SZT2: variants seen among roughly 807,000 people sequenced by gnomAD.
SZT2 encodes KICSTOR complex protein SZT2.
A neutral mutation model predicts 404.2 loss-of-function variants in SZT2; 216 were observed. The ratio of observed to expected loss-of-function variants is 0.53; its 90% CI spans 0.48 to 0.60. The LOEUF is 0.60. SZT2 is among the 20% of genes least tolerant of loss of function. SZT2 has a pLI of 0.00. For synonymous variants in SZT2, 1,693 were observed against 1,749.9 expected (o/e 0.97, Z 0.81); for missense variants, 3,857 against 4,459.2 (o/e 0.86, Z 3.85).
intron 3 of SZT2, chr1:43,404,025 C>A: frequency 1.9e-6 from 1 of 536,616 alleles, no homozygotes; most frequent in Non-Finnish European, 3.3e-6. Context: ...GCCTGGGCCA[C>A]ATGGCAAAAC....
chr1:43,390,002 G>A lies in SZT2; in HGVS notation c.27+7G>A, dbSNP rs1648077982. ...GGAGCGCCCGGAGCCGGAGGTGAGGGGCGGGCGGGCGCAGCACTGGGCCCC... is the reference window on the plus strand; with the variant it reads ...GGAGCGCCCGGAGCCGGAGGTGAGGAGCGGGCGGGCGCAGCACTGGGCCCC... On this transcript the variant is annotated splice_region_variant and intron_variant, in intron 1 of 71. Transcript: ENST00000634258. 2.9e-6 allele frequency: 4 copies of A among 1,386,948 alleles called. 1 individual carries two copies. The South Asian group carries it at 6.3e-5, about 22-fold the overall frequency. 85.9% of individuals were successfully genotyped at this position (1,386,948 alleles called of 1,614,324 possible). A position where few individuals can be genotyped will look rare whatever the true frequency, so the allele number is the denominator to read the frequency against.
At chr1:43,446,909 C>T (rs1375048598) in intron 65 of SZT2, 46 bp from the exon 66 acceptor site, 2 of 1,566,900 alleles carry the variant, frequency 1.3e-6, no homozygotes, top group East Asian at 2.3e-5. Context: ...TTTGGGCAGC[C>T]AGTGCAGCCA....
In SZT2 at chr1:43,403,704, G is replaced by A. The variant is rs540224145; in HGVS notation, c.257G>A (p.Arg86Gln). The A allele has an allele frequency of 1.2e-5, 20 of 1,614,134 alleles. No homozygotes were observed. The African/African-American group carries it at 1.3e-4, about 11-fold the overall frequency. The change falls in exon 3 of 72, where the codon CGG becomes CAG. Residue 86 changes from arginine (R) to glutamine (Q), a missense_variant. This residue lies in a region of SZT2 where 536 missense variants were observed against 637.4 expected (regional missense o/e 0.84). Transcript: ENST00000634258. ...CCATTCCTCCTGGTACCTTCCACCC[G>A]GGTCACCTTCCTGGCTTGGCAGTAT... ...PRPFLLVPST[R>Q]VTFLAWQYRF...
At chr1:43,443,528 C>A (rs1364204959) in intron 61 of SZT2, 51 bp downstream of exon 61, 4 of 1,612,980 alleles carry the variant, frequency 2.5e-6, no homozygotes, top group South Asian at 2.2e-5. Context: ...CCCACAGTGA[C>A]CCCCCTCCTC....
Position 43,439,582 on chromosome 1 carries a change from C to T in SZT2, c.6878-23C>T. Reference sequence around the variant, plus strand: ...GTGGTCTGCAAGTCCCAGAGCTGAGCCTTCCTATGGATTTCTACCCAGGGG... The same window carrying T: ...GTGGTCTGCAAGTCCCAGAGCTGAGTCTTCCTATGGATTTCTACCCAGGGG... On this transcript the variant is annotated intron_variant, in intron 49 of 71. Transcript: ENST00000634258. This position sits in a 1 kb window ranked among gnomAD's most constrained non-coding sequence, Gnocchi z 4.2. 1 of 1,613,454 alleles carries T rather than the reference C, an allele frequency of 6.2e-7. No individual in the cohort carries two copies. Among genetic ancestry groups the T allele is most frequent in the South Asian group, 1.1e-5 (1 of 90,980 alleles).
chr1:43,412,407 T>G (rs1192361088), intron 4 of SZT2: 1 of 152,272 alleles, frequency 6.6e-6, no homozygotes, highest in African/African-American at 2.4e-5. Context: ...GTGATTCTCC[T>G]GCCTCAGACT....
chr1:43,451,452 C>A lies in SZT2; in HGVS notation c.*972C>A, dbSNP rs370109141. 6.2e-7 allele frequency: 1 copy of A among 1,614,028 alleles called. No homozygotes were observed. On this transcript the variant is annotated 3_prime_UTR_variant, in exon 72 of 72. Transcript: ENST00000634258. ...CAGCCCACGAAGCCTTTGTAGCCTT[C>A]ATCTTCCAGCAGTTGAAACAGATAG...
At position 43,448,378 on chromosome 1, in the gene SZT2, C is replaced by T. The variant is rs1318419197; in HGVS notation, c.9863C>T (p.Pro3288Leu). Residue 3288 changes from proline to leucine, a missense_variant, in exon 69 of 72, where the codon CCG (proline) becomes CTG (leucine). Pro to Leu is a moderately conservative substitution (Grantham distance 98). Coordinates refer to ENST00000634258, the MANE Select transcript of SZT2 (RefSeq NM_001365999.1). The surrounding 1 kb of genome is among the most constrained non-coding windows in gnomAD (Gnocchi z 4.2). ...LWKRLFLLEP[P>L]GPDRLRLGGR... ...AAGCGCCTCTTCTTGCTGGAGCCAC[C>T]GGGGCCTGATCGACTGCGGCTAGGG... The T allele has an allele frequency of 7.0e-6, 11 of 1,561,214 alleles. No individual in the cohort carries two copies. The highest frequency in any genetic ancestry group is 1.9e-5 in the Admixed American group (1 of 51,738).
Position 43,453,793 on chromosome 1 carries a change from T to TGCCTG in SZT2, c.*3315_*3319dup. On this transcript the variant is annotated 3_prime_UTR_variant, in exon 72 of 72. Coordinates refer to ENST00000634258, the MANE Select transcript of SZT2 (RefSeq NM_001365999.1). ...TTGGCGGAGAAGCGCAGCGGCGCCA[T>TGCCTG]GCCTGGGGAGGCCGGGCCGGGCGGA... 1 of 1,267,264 alleles carries TGCCTG rather than the reference T, an allele frequency of 7.9e-7. No homozygotes were observed. Among genetic ancestry groups the TGCCTG allele is most frequent in the Non-Finnish European group, 9.9e-7 (1 of 1,009,556 alleles). 78.5% of individuals were successfully genotyped at this position (1,267,264 alleles called of 1,614,324 possible).
Position 43,451,300 on chromosome 1 carries a change from C to T in SZT2, c.*820C>T. ...TATGAACGTAGCCAACTCAAGCCCT[C>T]TACTGTGTCTCCTGCAGGGAGAGGG... On this transcript the variant is annotated 3_prime_UTR_variant, in exon 72 of 72. Coordinates refer to ENST00000634258, the MANE Select transcript of SZT2 (RefSeq NM_001365999.1). 1 of 1,613,976 alleles carries T rather than the reference C, an allele frequency of 6.2e-7. No homozygotes were observed. Among genetic ancestry groups the T allele is most frequent in the Non-Finnish European group, 8.5e-7 (1 of 1,180,036 alleles).
rs562214305 is a variant in SZT2, at chr1:43,431,792, G to T, written c.5165G>T (p.Arg1722Leu). 4 of 1,614,210 alleles carry T rather than the reference G, an allele frequency of 2.5e-6. No individual in the cohort carries two copies. The change falls in exon 36 of 72, where the codon CGC (arginine) becomes CTC (leucine). Residue 1722 changes from arginine (R) to leucine (L), a missense_variant. Coordinates refer to ENST00000634258, the MANE Select transcript of SZT2 (RefSeq NM_001365999.1). ...ATCCCACAGAGTCCTGCCCTGCACCGCGCAGCTGCCCATATCCATAGTTCT... is the reference window on the plus strand; with the variant it reads ...ATCCCACAGAGTCCTGCCCTGCACCTCGCAGCTGCCCATATCCATAGTTCT... ...GGIPQSPALH[R>L]AAAHIHSSPG...
At position 43,452,117 on chromosome 1, in the gene SZT2, C is replaced by T; in HGVS notation, c.*1637C>T. ...CACCTGTTCCTCTGACCTAGGCTGGCAGCCTCACGTGCTGTCCCCACTGTG... is the reference window on the plus strand; with the variant it reads ...CACCTGTTCCTCTGACCTAGGCTGGTAGCCTCACGTGCTGTCCCCACTGTG... On this transcript the variant is annotated 3_prime_UTR_variant, in exon 72 of 72. Transcript: ENST00000634258. The T allele has an allele frequency of 1.3e-6, 2 of 1,493,076 alleles. No individual in the cohort carries two copies. Among genetic ancestry groups the T allele is most frequent in the Non-Finnish European group, 1.9e-6 (2 of 1,080,386 alleles). The allele number at this position is 1,493,076 out of a possible 1,614,324, so 92.5% of individuals were successfully genotyped here. A position where few individuals can be genotyped will look rare whatever the true frequency, so the allele number is the denominator to read the frequency against.
intron 42 of SZT2, chr1:43,436,063 A>G (rs1487529736): frequency 1.3e-5 from 2 of 152,176 alleles, no homozygotes; most frequent in African/African-American, 4.8e-5. Context: ...GGAACATGAT[A>G]ATCCACTCAA....
Position 43,452,323 on chromosome 1 carries a change from T to TG in SZT2, c.*1847dup, listed in dbSNP as rs765718623. ...TCGGCCAGCCATCAGGTGGATCCTG[T>TG]GGGGAAGATGGACTGGAGGCCTTGC... On this transcript the variant is annotated 3_prime_UTR_variant, in exon 72 of 72. Coordinates refer to ENST00000634258, the MANE Select transcript of SZT2 (RefSeq NM_001365999.1). 5 of 1,610,104 alleles carry TG rather than the reference T, an allele frequency of 3.1e-6. No individual in the cohort carries two copies. Among genetic ancestry groups the TG allele is most frequent in the Non-Finnish European group, 4.2e-6 (5 of 1,176,956 alleles).
intron 11 of SZT2, 21 bp downstream of exon 11, chr1:43,421,324 G>A: frequency 6.3e-7 from 1 of 1,596,682 alleles, no homozygotes; most frequent in Non-Finnish European, 8.5e-7. Flanking sequence ...CTGAAGTATA[G>A]TAGCCCCATT....
Position 43,453,002 on chromosome 1 carries a change from C to T in SZT2, c.*2522C>T. On this transcript the variant is annotated 3_prime_UTR_variant, in exon 72 of 72. Transcript: ENST00000634258. ...CTTCCTGCCCATCAAGCAATGCCCA[C>T]TCCTTGAAGACAGTCCAAGCATCAC... 3 of 1,554,470 alleles carry T rather than the reference C, an allele frequency of 1.9e-6. No homozygotes were observed. The highest frequency in any genetic ancestry group is 1.8e-6 in the Non-Finnish European group (2 of 1,129,948).
chr1:43,422,489 C>G lies in SZT2; in HGVS notation c.1779C>G (p.Pro593=). Residue 593 remains proline (P), a synonymous_variant, in exon 13 of 72, where the codon CCC becomes CCG. Transcript: ENST00000634258. ...VLILEHDTPI[P]KHLHTPGSNG... is the part of the protein sequence containing the mutation. ...ACACCCCTCTTCCTAGACCAATCCC[C>G]AAGCACTTGCACACCCCGGGCAGCA... is the stretch of plus-strand genomic sequence containing the variant. 3 of 1,588,364 alleles carry G rather than the reference C, an allele frequency of 1.9e-6. No homozygotes were observed. The highest frequency in any genetic ancestry group is 2.6e-6 in the Non-Finnish European group (3 of 1,174,546).
Position 43,424,184 on chromosome 1 carries a change from G to A in SZT2, c.2256-33G>A, listed in dbSNP as rs779623548. The A allele has an allele frequency of 6.3e-7, 1 of 1,578,292 alleles. No individual in the cohort carries two copies. Among genetic ancestry groups the A allele is most frequent in the South Asian group, 1.1e-5 (1 of 89,224 alleles). On this transcript the variant is annotated intron_variant, in intron 15 of 71. Coordinates refer to ENST00000634258, the MANE Select transcript of SZT2 (RefSeq NM_001365999.1). This position sits in a 1 kb window ranked among gnomAD's most constrained non-coding sequence, Gnocchi z 4.1. Reference sequence around the variant, plus strand: ...AAGGGCGTGGCTTAGCCGGGGATGAGAGAGATAGCTGGGGAGTTGTCCCAT... The same window carrying A: ...AAGGGCGTGGCTTAGCCGGGGATGAAAGAGATAGCTGGGGAGTTGTCCCAT...
intron 4 of SZT2, among the ~76,000 whole-genome samples, chr1:43,411,809 C>A (rs961712264): frequency 1.1e-4 from 13 of 116,700 alleles, no homozygotes; most frequent in African/African-American, 4.2e-4. Flanking sequence ...GACAGAGTCT[C>A]ACTCTGTCAC....
Sources: gnomAD v4.1 joint callset for allele counts (sites outside exome capture counted in the v4.1 genomes callset) on GRCh38, gnomAD v4.1.1 for gene constraint, gnomAD v4.1.1 regional missense constraint, Gnocchi (gnomAD v3.1) non-coding constraint, MANE v1.5 for transcripts, NCBI Gene and HGNC (gene_info 2026-07-23, HGNC 2026-07-21) for gene names.